KNOP1: variants seen among roughly 807,000 people sequenced by gnomAD.
KNOP1 encodes the protein lysine rich nucleolar protein 1, also known as lysine-rich nucleolar protein 1.
In KNOP1, 20 loss-of-function variants were observed where a neutral mutation model predicts 30.6. That is an observed-to-expected ratio of 0.65 (90% CI 0.46 to 0.95). The LOEUF is 0.95. KNOP1 is among the 40% of genes least tolerant of loss of function. KNOP1 has a pLI of 0.00. For missense variants in KNOP1, 540 were observed against 562.0 expected (o/e 0.96, Z 0.40); for synonymous variants, 204 against 210.0 (o/e 0.97, Z 0.25).
chr16:19,704,086 TTTTG>T lies in KNOP1; in HGVS notation c.*2820_*2823del, dbSNP rs1036647541. On this transcript the variant is annotated 3_prime_UTR_variant, in exon 5 of 5. Coordinates refer to ENST00000219837, the MANE Select transcript of KNOP1 (RefSeq NM_001012991.3). ...CCACAATCACCCAAAGACAGTTTTTTTTTGTTTGTTTTTGAGACAGAGTCTCATT... is the reference window on the plus strand; with the variant it reads ...CCACAATCACCCAAAGACAGTTTTTTTTTGTTTTTGAGACAGAGTCTCATT... 5.3e-5 allele frequency: 8 copies of T among 152,182 alleles called. No individual in the cohort carries two copies. Among genetic ancestry groups the T allele is most frequent in the Non-Finnish European group, 2.9e-5 (2 of 68,104 alleles). The allele number at this position is 152,182 out of a possible 1,614,324, so 9.4% of individuals were successfully genotyped here. A position where few individuals can be genotyped will look rare whatever the true frequency, so the allele number is the denominator to read the frequency against.
chr16:19,710,364 T>C, intron 4 of KNOP1, 145 bp downstream of exon 4: 2 of 786,526 alleles, frequency 2.5e-6, no homozygotes. Flanking sequence ...AATTCTGCTG[T>C]GGAGGGAGCC....
chr16:19,716,249 T>G (rs183733390), intron 1 of KNOP1, among the ~76,000 whole-genome samples: 129 of 152,298 alleles, frequency 8.5e-4, no homozygotes, highest in African/African-American at 2.8e-3. Flanking sequence ...ACTCACTGAA[T>G]GAATGCACAC....
In KNOP1 at chr16:19,703,101, C is replaced by G. The variant is rs984261542; in HGVS notation, c.*3809G>C. On this transcript the variant is annotated 3_prime_UTR_variant, in exon 5 of 5. Coordinates refer to ENST00000219837, the MANE Select transcript of KNOP1 (RefSeq NM_001012991.3). Reference sequence around the variant, plus strand: ...CTTTAACAAATTGCCACAATTGTAGCGGCTTAAAACATAATGTTGTCATCT... The same window carrying G: ...CTTTAACAAATTGCCACAATTGTAGGGGCTTAAAACATAATGTTGTCATCT... The G allele has an allele frequency of 2.0e-5, 3 of 152,188 alleles. No individual in the cohort carries two copies. The highest frequency in any genetic ancestry group is 7.2e-5 in the African/African-American group (3 of 41,498). 9.4% of individuals were successfully genotyped at this position (152,188 alleles called of 1,614,324 possible). A position where few individuals can be genotyped will look rare whatever the true frequency, so the allele number is the denominator to read the frequency against.
chr16:19,711,227 T>G (rs1597467413), intron 3 of KNOP1, 145 bp downstream of exon 3: 2 of 749,578 alleles, frequency 2.7e-6, no homozygotes, highest in Non-Finnish European at 4.6e-6. Flanking sequence ...GCCCGGGAGG[T>G]GTGCGTTGGC....
Position 19,706,521 on chromosome 16 carries a change from A to G in KNOP1, c.*389T>C, listed in dbSNP as rs1476740246. 1.4e-5 allele frequency: 3 copies of G among 209,946 alleles called. No individual in the cohort carries two copies. The highest frequency in any genetic ancestry group is 2.8e-5 in the Non-Finnish European group (3 of 106,390). The allele number at this position is 209,946 out of a possible 1,614,324, so 13.0% of individuals were successfully genotyped here. A position where few individuals can be genotyped will look rare whatever the true frequency, so the allele number is the denominator to read the frequency against. On this transcript the variant is annotated 3_prime_UTR_variant, in exon 5 of 5. Coordinates refer to ENST00000219837, the MANE Select transcript of KNOP1 (RefSeq NM_001012991.3). ...ACCTGCTAAACACTCAACAAAAGTT[A>G]ACTGTACATACTGATGTCTCAAACA...
At chr16:19,717,745 G>A (rs1977251547) in intron 1 of KNOP1, 1 of 991,790 alleles carries the variant, frequency 1.0e-6, no homozygotes, top group Admixed American at 5.7e-5. Flanking sequence ...AAGCTCCAGA[G>A]ACTACAATAA....
chr16:19,717,260 T>C, intron 1 of KNOP1: 1 of 962,446 alleles, frequency 1.0e-6, no homozygotes, highest in Non-Finnish European at 1.2e-6. Flanking sequence ...AGGAACGTAC[T>C]GCCCGCGGAT....
At chr16:19,708,674 T>C (rs1411106598) in intron 4 of KNOP1, among the ~76,000 whole-genome samples, 1 of 152,188 alleles carries the variant, frequency 6.6e-6, no homozygotes, top group Non-Finnish European at 1.5e-5. Flanking sequence ...CCAGCACTTA[T>C]TTCTGGGTTG....
Position 19,718,179 on chromosome 16 carries a change from C to T in KNOP1, c.-24G>A, listed in dbSNP as rs1977305355. 14 of 1,487,250 alleles carry T rather than the reference C, an allele frequency of 9.4e-6. No individual in the cohort carries two copies. The highest frequency in any genetic ancestry group is 5.3e-6 in the Non-Finnish European group (6 of 1,123,234). 92.1% of individuals were successfully genotyped at this position (1,487,250 alleles called of 1,614,324 possible). A position where few individuals can be genotyped will look rare whatever the true frequency, so the allele number is the denominator to read the frequency against. On this transcript the variant is annotated 5_prime_UTR_variant, in exon 1 of 5. Transcript: ENST00000219837. ...TCACCGGTGGGCGAAATTTCCCCGC[C>T]TCCACGTGAGAGCCAGCTCCGCCGT...
chr16:19,708,592 T>TC (rs2151644509), intron 4 of KNOP1, among the ~76,000 whole-genome samples: 2 of 151,960 alleles, frequency 1.3e-5, no homozygotes, highest in South Asian at 4.2e-4. Context: ...GCCACTCCTC[T>TC]CCCCCTACCC....
chr16:19,718,216 C>G lies in KNOP1; in HGVS notation c.-61G>C, dbSNP rs1977308807. 3 of 1,530,426 alleles carry G rather than the reference C, an allele frequency of 2.0e-6. No homozygotes were observed. The highest frequency in any genetic ancestry group is 2.6e-6 in the Non-Finnish European group (3 of 1,141,688). The allele number at this position is 1,530,426 out of a possible 1,614,324, so 94.8% of individuals were successfully genotyped here. A position where few individuals can be genotyped will look rare whatever the true frequency, so the allele number is the denominator to read the frequency against. On this transcript the variant is annotated 5_prime_UTR_variant, in exon 1 of 5. Transcript: ENST00000219837. ...GCCAGCTCCGCCGTGACCCGGAAGT[C>G]CACTTCGAGTCGCCGGCCCACCCTC...
In KNOP1 at chr16:19,702,745, C is replaced by T. The variant is rs1976212181; in HGVS notation, c.*4165G>A. On this transcript the variant is annotated 3_prime_UTR_variant, in exon 5 of 5. Coordinates refer to ENST00000219837, the MANE Select transcript of KNOP1 (RefSeq NM_001012991.3). ...CGGTGGCTCATGCCTGTAATACCAA[C>T]ACTTTGGGAGGCTGAGGTAGGTGGA... The T allele has an allele frequency of 6.6e-6, 1 of 152,110 alleles. No individual in the cohort carries two copies. The highest frequency in any genetic ancestry group is 6.5e-5 in the Admixed American group (1 of 15,270). 9.4% of individuals were successfully genotyped at this position (152,110 alleles called of 1,614,324 possible).
At chr16:19,718,017 G>C in intron 1 of KNOP1, 141 bp downstream of exon 1, 1 of 1,357,002 alleles carries the variant, frequency 7.4e-7, no homozygotes. Flanking sequence ...GCCTCAGGCC[G>C]GAGCGGGCGC....
In KNOP1 at chr16:19,718,194, A is replaced by T; in HGVS notation, c.-39T>A. Reference sequence around the variant, plus strand: ...ATTTCCCCGCCTCCACGTGAGAGCCAGCTCCGCCGTGACCCGGAAGTCCAC... The same window carrying T: ...ATTTCCCCGCCTCCACGTGAGAGCCTGCTCCGCCGTGACCCGGAAGTCCAC... On this transcript the variant is annotated 5_prime_UTR_variant, in exon 1 of 5. Coordinates refer to ENST00000219837, the MANE Select transcript of KNOP1 (RefSeq NM_001012991.3). The T allele has an allele frequency of 2.7e-6, 4 of 1,505,194 alleles. No homozygotes were observed. Among genetic ancestry groups the T allele is most frequent in the Non-Finnish European group, 2.7e-6 (3 of 1,131,212 alleles). 93.2% of individuals were successfully genotyped at this position (1,505,194 alleles called of 1,614,324 possible). A position where few individuals can be genotyped will look rare whatever the true frequency, so the allele number is the denominator to read the frequency against.
intron 2 of KNOP1, chr16:19,712,151 G>C (rs1976753918): frequency 6.6e-6 from 1 of 152,190 alleles, no homozygotes; most frequent in African/African-American, 2.4e-5. Context: ...TGAGCTCCTG[G>C]GAGAAGGGAT....
rs1483190501 is a variant in KNOP1 at position 19,704,751 on chromosome 16, C to T, written c.*2159G>A. ...CTCTTGGGCTTTCCACGGCCTCTCC[C>T]ATTATGTATCTCAAGGTTGAATCCA... On this transcript the variant is annotated 3_prime_UTR_variant, in exon 5 of 5. Coordinates refer to ENST00000219837, the MANE Select transcript of KNOP1 (RefSeq NM_001012991.3). 1 of 168,876 alleles carries T rather than the reference C, an allele frequency of 5.9e-6. No individual in the cohort carries two copies. The highest frequency in any genetic ancestry group is 2.4e-5 in the African/African-American group (1 of 41,866). 10.5% of individuals were successfully genotyped at this position (168,876 alleles called of 1,614,324 possible). A position where few individuals can be genotyped will look rare whatever the true frequency, so the allele number is the denominator to read the frequency against.
rs371139433 is a variant in KNOP1 at position 19,714,988 on chromosome 16, T to C, written c.48A>G (p.Lys16=). ...HKVDLGLPEK[K]KKKKVVKEPE... is the part of the protein sequence containing the mutation. ...GTTCTTTGACCACTTTCTTCTTCTT[T>C]TTCTTCTCTGGGAGCCCAAGGTCTA... The change falls in exon 2 of 5, where the codon AAA becomes AAG. Residue 16 remains lysine, a synonymous_variant. Coordinates refer to ENST00000219837, the MANE Select transcript of KNOP1 (RefSeq NM_001012991.3). 128 of 1,589,462 alleles carry C rather than the reference T, an allele frequency of 8.1e-5. No homozygotes were observed. In the African/African-American group the frequency reaches 1.4e-3, roughly 17 times the overall value.
Position 19,710,527 on chromosome 16 carries a change from A to T in KNOP1, c.1047T>A (p.Ser349=). The T allele has an allele frequency of 6.2e-7, 1 of 1,612,862 alleles. No individual in the cohort carries two copies. The highest frequency in any genetic ancestry group is 8.5e-7 in the Non-Finnish European group (1 of 1,180,030). The change falls in exon 4 of 5, where the codon TCT becomes TCA. Residue 349 remains serine, a synonymous_variant. Coordinates refer to ENST00000219837, the MANE Select transcript of KNOP1 (RefSeq NM_001012991.3). ...IDRESGKTEA[S]ETRKWTGTQF... ...AACTTACCGTCCACTTCCTGGTTTCAGAAGCTTCCGTTTTGCCTGACTCGC... is the reference window on the plus strand; with the variant it reads ...AACTTACCGTCCACTTCCTGGTTTCTGAAGCTTCCGTTTTGCCTGACTCGC...
At position 19,706,985 on chromosome 16, in the gene KNOP1, G is replaced by A. The variant is rs759086960; in HGVS notation, c.1302C>T (p.Leu434=). ...TCTTGTTGGGGGCGGTGGAGAAGCCGAGGCCGGCTCCCCGGCTGTACTTCC... is the reference window on the plus strand; with the variant it reads ...TCTTGTTGGGGGCGGTGGAGAAGCCAAGGCCGGCTCCCCGGCTGTACTTCC... The part of the protein sequence containing the change: ...MSWKYSRGAG[L]GFSTAPNKIF... The change falls in exon 5 of 5, where the codon CTC becomes CTT. Residue 434 remains leucine, a synonymous_variant. Transcript: ENST00000219837. 2.3e-5 allele frequency: 37 copies of A among 1,613,882 alleles called. No individual in the cohort carries two copies. Among genetic ancestry groups the A allele is most frequent in the Non-Finnish European group, 3.0e-5 (35 of 1,180,028 alleles).
Sources: gnomAD v4.1 joint callset for allele counts (sites outside exome capture counted in the v4.1 genomes callset) on GRCh38, gnomAD v4.1.1 for gene constraint, MANE v1.5 for transcripts, NCBI Gene and HGNC (gene_info 2026-07-23, HGNC 2026-07-21) for gene names.